Variants in TAF7L observed in about 807,000 individuals in gnomAD.
TAF7L encodes TATA-box binding protein associated factor 7 like.
A neutral mutation model predicts 30.2 loss-of-function variants in TAF7L; 6 were observed. The observed-to-expected ratio is 0.20, with a 90% CI of 0.11 to 0.39. TAF7L has a LOEUF of 0.39. TAF7L is among the 10% of genes least tolerant of loss of function. TAF7L has a pLI of 1.00. For missense variants in TAF7L, 284 were observed against 277.1 expected, an observed-to-expected ratio of 1.03 and a Z score of -0.18; for synonymous variants, 93 against 94.5, an observed-to-expected ratio of 0.98 and a Z score of 0.09.
rs758916060 is a variant in TAF7L at position 101,276,348 on chromosome X, T to G, written c.872A>C (p.Glu291Ala). The G allele has an allele frequency of 8.3e-7, 1 of 1,211,291 alleles. No individual in the cohort carries two copies. Among genetic ancestry groups the G allele is most frequent in the Admixed American group, 2.2e-5 (1 of 45,924 alleles). Residue 291 changes from glutamate (E) to alanine (A), a missense_variant, in exon 10 of 13, where the codon GAA becomes GCA. Glu to Ala is a moderately radical substitution (Grantham distance 107, BLOSUM62 -1). Coordinates refer to ENST00000356784, the MANE Select transcript of TAF7L (RefSeq NM_001168474.2). ...TTCATTTGCCCTATACTGGCCAGAT[T>G]CAATAAACTCGGCCTGCAGCTGCCT... The part of the protein sequence containing the change: ...LERQLQAEFI[E>A]SGQYRANEGT...
In TAF7L at chrX:101,286,607, T is replaced by C; in HGVS notation, c.113A>G (p.Lys38Arg). The C allele has an allele frequency of 8.3e-7, 1 of 1,209,934 alleles. No homozygotes were observed. Among genetic ancestry groups the C allele is most frequent in the Non-Finnish European group, 1.1e-6 (1 of 894,306 alleles). Residue 38 changes from lysine (K) to arginine (R), a missense_variant, in exon 3 of 13, where the codon AAG (lysine) becomes AGG (arginine). By Grantham distance (26) the Lys-to-Arg change is conservative. Transcript: ENST00000356784. The part of the protein sequence containing the change: ...VRNLARSQSV[K>R]MKDKLKIDLL... The stretch of plus-strand genomic sequence containing the variant: ...GTCAATTTTTAGTTTATCCTTCATC[T>C]TGACACTTTGAGAACGTGCTAGGTT...
chrX:101,278,998 G>A lies in TAF7L; in HGVS notation c.500C>T (p.Thr167Ile). The stretch of plus-strand genomic sequence containing the variant: ...GTTATATTATGATTGCTCTACCTCA[G>A]TAAAGCTGCTTTTTTCCATTTCTTT... Reference protein sequence around the residue: ...DVKEMEKSSFTEYIESPDVEN... With the variant: ...DVKEMEKSSFIEYIESPDVEN... The change falls in exon 7 of 13, where the codon ACT becomes ATT. Residue 167 changes from threonine to isoleucine, a missense_variant. Physicochemically the swap from Thr to Ile is moderately conservative, Grantham distance 89. Coordinates refer to ENST00000356784, the MANE Select transcript of TAF7L (RefSeq NM_001168474.2). The A allele has an allele frequency of 2.5e-6, 3 of 1,206,396 alleles. No individual in the cohort carries two copies. The highest frequency in any genetic ancestry group is 3.4e-6 in the Non-Finnish European group (3 of 891,265).
chrX:101,274,218 A>ATT (rs760318606), intron 12 of TAF7L, among the ~76,000 whole-genome samples: 146 of 102,342 alleles, frequency 1.4e-3, no homozygotes, highest in Middle Eastern at 5.0e-3. Context: ...TTTCATTATA[A>ATT]TTTTTTTTTT....
chrX:101,277,602 G>A lies in TAF7L; in HGVS notation c.691+4C>T. ...AAACTCCTGCTTTGCCTTTACTAAA[G>A]TACCTGACGAGGTATGACCCTGCTT... On this transcript the variant is annotated splice_donor_region_variant and intron_variant, in intron 9 of 12. Coordinates refer to ENST00000356784, the MANE Select transcript of TAF7L (RefSeq NM_001168474.2). 2.2e-5 allele frequency: 25 copies of A among 1,145,902 alleles called. No individual in the cohort carries two copies. Among genetic ancestry groups the A allele is most frequent in the Non-Finnish European group, 2.8e-5 (24 of 854,970 alleles). The allele number at this position is 1,145,902 out of a possible 1,213,427, so 94.4% of individuals were successfully genotyped here.
chrX:101,275,717 G>A (rs1266255317), intron 11 of TAF7L, among the ~76,000 whole-genome samples: 1 of 111,500 alleles, frequency 9.0e-6, no homozygotes, highest in Non-Finnish European at 1.9e-5. Flanking sequence ...GATAATATGT[G>A]TACACAATTC....
At chrX:101,284,180 T>C (rs757736500) in intron 3 of TAF7L, among the ~76,000 whole-genome samples, 3 of 111,657 alleles carry the variant, frequency 2.7e-5, no homozygotes, top group East Asian at 2.8e-4. Flanking sequence ...TACAAAACAA[T>C]GTTTATCATT....
chrX:101,277,647 G>A lies in TAF7L; in HGVS notation c.650C>T (p.Ser217Phe). The A allele has an allele frequency of 8.3e-7, 1 of 1,203,997 alleles. No individual in the cohort carries two copies. Among genetic ancestry groups the A allele is most frequent in the South Asian group, 1.8e-5 (1 of 55,518 alleles). ...CTGCTTGTGGCTGCTCATTCCCGAG[G>A]ATATCAAAAATCCTGGGATGGAGCC... ...SQGSIPGFLISSGMSSHKQGH... is the reference protein window; with the variant it reads ...SQGSIPGFLIFSGMSSHKQGH... The change falls in exon 9 of 13, where the codon TCC (serine) becomes TTC (phenylalanine). Residue 217 changes from serine to phenylalanine, a missense_variant. Transcript: ENST00000356784.
chrX:101,286,332 C>T (rs955586043), intron 3 of TAF7L, among the ~76,000 whole-genome samples: 10 of 111,075 alleles, frequency 9.0e-5, no homozygotes, highest in Non-Finnish European at 1.7e-4. Flanking sequence ...ATAAAAACCC[C>T]ACAGTTGACC....
At chrX:101,279,493 T>C (rs1924328017) in intron 6 of TAF7L, among the ~76,000 whole-genome samples, 1 of 110,950 alleles carries the variant, frequency 9.0e-6, no homozygotes, top group South Asian at 3.8e-4. Flanking sequence ...TGGTGGCCCA[T>C]GCCTGTAATC....
At chrX:101,284,843 G>A (rs1023295811) in intron 3 of TAF7L, among the ~76,000 whole-genome samples, 59 of 109,319 alleles carry the variant, frequency 5.4e-4, no homozygotes, top group Non-Finnish European at 1.9e-4. Flanking sequence ...TTTTTAGGCA[G>A]ATAAACTTGT....
At chrX:101,278,234 A>C in intron 7 of TAF7L, 113 bp from the exon 8 acceptor site, 1 of 532,404 alleles carries the variant, frequency 1.9e-6, no homozygotes, top group Non-Finnish European at 3.1e-6. Context: ...GCCTCTTTAA[A>C]TTCTGATCCA....
rs141926355 is a variant in TAF7L, at chrX:101,290,969, C to T, written c.-3+255G>A. The stretch of plus-strand genomic sequence containing the variant: ...GGTGTTTTTTCAAGTTCGCAGTCTC[C>T]GGCTGCAGTTTAAGAGACTGACCTC... On this transcript the variant is annotated intron_variant, in intron 1 of 12. Transcript: ENST00000356784. 4.9e-3 allele frequency among the ~76,000 whole-genome samples: 549 copies of T among 111,913 alleles called. 3 individuals are homozygous for T. Among genetic ancestry groups the T allele is most frequent in the African/African-American group, 0.017 (521 of 30,842 alleles).
At chrX:101,282,272 G>C in intron 5 of TAF7L, 55 bp downstream of exon 5, 2 of 1,199,549 alleles carry the variant, frequency 1.7e-6, no homozygotes, top group African/African-American at 3.5e-5. Flanking sequence ...CAAGGAATTA[G>C]GATTCAGCAA....
At chrX:101,287,727 C>T (rs779903119) in intron 1 of TAF7L, 182 bp from the exon 2 acceptor site, 38 of 358,840 alleles carry the variant, frequency 1.1e-4, no homozygotes, top group Middle Eastern at 4.4e-4. Context: ...TATTTCTAGA[C>T]GTTACCTTAG....
chrX:101,268,322 G>GA lies in TAF7L; in HGVS notation c.*870dup, dbSNP rs1451213436. On this transcript the variant is annotated 3_prime_UTR_variant, in exon 13 of 13. Coordinates refer to ENST00000356784, the MANE Select transcript of TAF7L (RefSeq NM_001168474.2). Reference sequence around the variant, plus strand: ...CCATAAAACACTAATAATATACCTAGAAAAAAACCCAAACAAGATTGTTAA... The same window carrying GA: ...CCATAAAACACTAATAATATACCTAGAAAAAAAACCCAAACAAGATTGTTAA... 2 of 111,714 alleles carry GA rather than the reference G, an allele frequency of 1.8e-5. No homozygotes were observed. The highest frequency in any genetic ancestry group is 6.5e-5 in the African/African-American group (2 of 30,815). 9.2% of individuals were successfully genotyped at this position (111,714 alleles called of 1,213,427 possible).
Position 101,276,543 on chromosome X carries a change from CAAG to C in TAF7L, c.692-18_692-16del, listed in dbSNP as rs1225830158. On this transcript the variant is annotated splice_polypyrimidine_tract_variant and intron_variant, in intron 9 of 12. Coordinates refer to ENST00000356784, the MANE Select transcript of TAF7L (RefSeq NM_001168474.2). Reference sequence around the variant, plus strand: ...CATATCATATTCTACTAGTTTTAAGCAAGAAGAAGGTGAACTATCTAAAACTCT... The same window carrying C: ...CATATCATATTCTACTAGTTTTAAGCAAGAAGGTGAACTATCTAAAACTCT... 7.5e-6 allele frequency: 9 copies of C among 1,205,459 alleles called. No homozygotes were observed. The African/African-American group carries it at 8.8e-5, about 12-fold the overall frequency.
chrX:101,286,193 AAAGAAAG>A (rs1208932250), intron 3 of TAF7L, among the ~76,000 whole-genome samples: 32 of 88,601 alleles, frequency 3.6e-4, no homozygotes, highest in Admixed American at 1.0e-3. Flanking sequence ...AAAAAAAAAA[AAAGAAAG>A]AAAGAAAGAA....
At chrX:101,274,928 A>G (rs1019402633) in intron 12 of TAF7L, among the ~76,000 whole-genome samples, 1 of 112,125 alleles carries the variant, frequency 8.9e-6, no homozygotes, top group African/African-American at 3.2e-5. Context: ...TTATATATAC[A>G]TTATTTTGCT....
At chrX:101,275,527 C>G (rs1924134609) in intron 11 of TAF7L, among the ~76,000 whole-genome samples, 2 of 109,981 alleles carry the variant, frequency 1.8e-5, no homozygotes, top group Non-Finnish European at 3.8e-5. Flanking sequence ...GCCACCAGGC[C>G]TGGCTAATTT....
Sources: allele counts gnomAD v4.1 joint callset (sites outside exome capture counted in the v4.1 genomes callset), GRCh38; gene constraint gnomAD v4.1.1; transcripts MANE v1.5; gene names NCBI Gene and HGNC (gene_info 2026-07-23, HGNC 2026-07-21).